Variants in PLXDC2 observed in about 807,000 individuals in gnomAD.
PLXDC2 encodes the protein plexin domain-containing protein 2.
In PLXDC2, 40 loss-of-function variants were observed where a neutral mutation model predicts 68.9. The observed-to-expected ratio is 0.58, with a 90% CI of 0.45 to 0.76. The LOEUF (loss-of-function observed/expected upper bound fraction) is 0.76. Among genes scored for constraint, PLXDC2 ranks in the 30% least tolerant of loss-of-function variants. PLXDC2 has a pLI of 0.00. For synonymous variants in PLXDC2, 243 were observed against 234.2 expected, an observed-to-expected ratio of 1.04 and a Z score of -0.34; for missense variants, 644 against 661.9, an observed-to-expected ratio of 0.97 and a Z score of 0.30.
At chr10:20,097,095 G>A (rs140989802) in intron 4 of PLXDC2, among the ~76,000 whole-genome samples, 10 of 152,248 alleles carry the variant, frequency 6.6e-5, no homozygotes, top group South Asian at 2.1e-4. Context: ...CACTGAGCGA[G>A]ATCAGTGCTT....
At chr10:19,917,966 A>C (rs780887327) in intron 1 of PLXDC2, among the ~76,000 whole-genome samples, 3 of 152,056 alleles carry the variant, frequency 2.0e-5, no homozygotes, top group Non-Finnish European at 1.5e-5. Context: ...AAAAGAACCC[A>C]CTGTATTTCT....
intron 1 of PLXDC2, among the ~76,000 whole-genome samples, chr10:19,987,329 C>CT (rs1052416610): frequency 6.6e-5 from 10 of 152,130 alleles, no homozygotes; most frequent in African/African-American, 2.2e-4. Context: ...ATGTCGCTTT[C>CT]TTTTTTCCTT....
At chr10:19,980,170 A>G (rs1310270075) in intron 1 of PLXDC2, among the ~76,000 whole-genome samples, 1 of 152,206 alleles carries the variant, frequency 6.6e-6, no homozygotes, top group African/African-American at 2.4e-5. Flanking sequence ...ATTTTTTAAT[A>G]GCAAGATGTT....
intron 2 of PLXDC2, among the ~76,000 whole-genome samples, chr10:20,011,331 C>T (rs908733275): frequency 2.0e-5 from 3 of 151,988 alleles, no homozygotes; most frequent in East Asian, 1.9e-4. Flanking sequence ...CACAGAGGGA[C>T]GGTACTCCTG....
intron 11 of PLXDC2, among the ~76,000 whole-genome samples, chr10:20,218,079 A>C (rs1314884167): frequency 2.6e-5 from 4 of 152,174 alleles, no homozygotes; most frequent in African/African-American, 9.7e-5. Context: ...GTGTCATAGA[A>C]ATTGTCCTTG....
intron 2 of PLXDC2, among the ~76,000 whole-genome samples, chr10:20,040,727 G>A (rs1490954883): frequency 6.6e-6 from 1 of 151,924 alleles, no homozygotes; most frequent in Non-Finnish European, 1.5e-5. Flanking sequence ...TTAGAATTTG[G>A]AAGGGAGAAA....
At chr10:19,911,277 G>A (rs774594223) in intron 1 of PLXDC2, among the ~76,000 whole-genome samples, 5 of 151,966 alleles carry the variant, frequency 3.3e-5, no homozygotes, top group African/African-American at 4.8e-5. Flanking sequence ...GCTAAAAACT[G>A]AAATGTGTCT....
At chr10:19,945,539 T>C (rs1045310027) in intron 1 of PLXDC2, among the ~76,000 whole-genome samples, 3 of 152,222 alleles carry the variant, frequency 2.0e-5, no homozygotes, top group Non-Finnish European at 4.4e-5. Flanking sequence ...TTTTTTATTC[T>C]TCCTTGTACA....
chr10:19,841,310 A>G (rs7914016), intron 1 of PLXDC2, among the ~76,000 whole-genome samples: 2,886 of 152,218 alleles, frequency 0.019, 88 homozygotes, highest in African/African-American at 0.066. Context: ...GTAAGTTTCT[A>G]CCTTGTTCTT....
intron 13 of PLXDC2, among the ~76,000 whole-genome samples, chr10:20,262,365 TATTAAAAA>T (rs1835818490): frequency 6.6e-6 from 1 of 152,234 alleles, no homozygotes; most frequent in African/African-American, 2.4e-5. Context: ...TTCAGTGTGA[TATTAAAAA>T]ATTATGCTGC....
At chr10:20,088,647 G>A (rs1361166220) in intron 4 of PLXDC2, among the ~76,000 whole-genome samples, 1 of 152,064 alleles carries the variant, frequency 6.6e-6, no homozygotes, top group Non-Finnish European at 1.5e-5. Context: ...TGGTTAAAGG[G>A]CAATCTATGA....
rs1836064809 is a variant in PLXDC2 at position 20,280,265 on chromosome 10, G to T, written c.*446G>T. 1 of 154,034 alleles carries T rather than the reference G, an allele frequency of 6.5e-6. No homozygotes were observed. Among genetic ancestry groups the T allele is most frequent in the Non-Finnish European group, 1.4e-5 (1 of 69,152 alleles). 9.5% of individuals were successfully genotyped at this position (154,034 alleles called of 1,614,324 possible). On this transcript the variant is annotated 3_prime_UTR_variant, in exon 14 of 14. Coordinates refer to ENST00000377252, the MANE Select transcript of PLXDC2 (RefSeq NM_032812.9). The stretch of plus-strand genomic sequence containing the variant: ...AAAGCCTGAACCCTTTCACTCAAAA[G>T]AGCAATGATGAATGTCTCAAGATTG...
chr10:20,255,405 C>T (rs772706850), intron 13 of PLXDC2, among the ~76,000 whole-genome samples: 7 of 152,140 alleles, frequency 4.6e-5, no homozygotes, highest in African/African-American at 7.2e-5. Context: ...GACTACTCTA[C>T]TGACAGTACC....
At chr10:20,042,565 G>T (rs989765946) in intron 2 of PLXDC2, among the ~76,000 whole-genome samples, 3 of 145,882 alleles carry the variant, frequency 2.1e-5, no homozygotes, top group African/African-American at 7.7e-5. Flanking sequence ...TACACTGATA[G>T]TCATACAATA....
intron 7 of PLXDC2, among the ~76,000 whole-genome samples, chr10:20,167,820 A>G (rs1834394739): frequency 6.6e-6 from 1 of 152,180 alleles, no homozygotes; most frequent in Non-Finnish European, 1.5e-5. Context: ...TATCATTCTT[A>G]TCAGATTTGG....
chr10:19,892,882 G>A (rs1310145329), intron 1 of PLXDC2, among the ~76,000 whole-genome samples: 2 of 151,712 alleles, frequency 1.3e-5, no homozygotes, highest in African/African-American at 4.8e-5. Context: ...GACAGCAGGA[G>A]GAGCCTGGCT....
chr10:20,186,766 G>A (rs746426607), intron 9 of PLXDC2, among the ~76,000 whole-genome samples: 9 of 151,732 alleles, frequency 5.9e-5, no homozygotes, highest in Admixed American at 1.3e-4. Flanking sequence ...TTATGGCTGC[G>A]TAGTATTCCA....
At chr10:20,090,638 A>G (rs182243455) in intron 4 of PLXDC2, among the ~76,000 whole-genome samples, 114 of 152,274 alleles carry the variant, frequency 7.5e-4, no homozygotes, top group Admixed American at 2.8e-3. Flanking sequence ...GAAAAAAATT[A>G]CAGAAAAGTC....
chr10:19,888,442 TAGAG>T (rs1837888027), intron 1 of PLXDC2, among the ~76,000 whole-genome samples: 1 of 152,150 alleles, frequency 6.6e-6, no homozygotes, highest in South Asian at 2.1e-4. Context: ...TGCAGTGGCC[TAGAG>T]AGAGTTAGAC....
Sources: allele counts gnomAD v4.1 joint callset (sites outside exome capture counted in the v4.1 genomes callset), GRCh38; gene constraint gnomAD v4.1.1; transcripts MANE v1.5; gene names NCBI Gene and HGNC (gene_info 2026-07-23, HGNC 2026-07-21).